Variants in CDHR3 observed in about 807,000 individuals in gnomAD.
CDHR3 encodes cadherin related family member 3.
CDHR3 carries 79 observed loss-of-function variants against 86.6 expected under a neutral mutation model. The ratio of observed to expected loss-of-function variants is 0.91; its 90% confidence interval spans 0.76 to 1.10. The LOEUF (loss-of-function observed/expected upper bound fraction) is 1.10, where lower values mean the gene tolerates loss of function less well. Ranked by LOEUF, CDHR3 falls within the 50% of genes least tolerant of loss-of-function variation. The pLI, the probability that CDHR3 is intolerant of heterozygous loss-of-function variation, is 0.00. For missense variants in CDHR3, 1,081 were observed against 1,077.6 expected, an observed-to-expected ratio of 1.00 and a Z score of -0.04; for synonymous variants, 421 against 402.4, an observed-to-expected ratio of 1.05 and a Z score of -0.55.
At chr7:106,025,011 G>A (rs897802305) in intron 15 of CDHR3, among the ~76,000 whole-genome samples, 2 of 152,212 alleles carry the variant, frequency 1.3e-5, no homozygotes, top group Non-Finnish European at 2.9e-5. Flanking sequence ...CCGGGTTTTT[G>A]TGTGACCAAA....
At chr7:105,975,219 G>T (rs764234389) in intron 2 of CDHR3, among the ~76,000 whole-genome samples, 173 bp downstream of exon 2, 1 of 152,158 alleles carries the variant, frequency 6.6e-6, no homozygotes, top group South Asian at 2.1e-4. Flanking sequence ...TAAGATGCTC[G>T]TGTAGCCTTT....
At chr7:106,026,358 G>A (rs150027111) in intron 15 of CDHR3, among the ~76,000 whole-genome samples, 7 of 152,248 alleles carry the variant, frequency 4.6e-5, no homozygotes, top group South Asian at 2.1e-4. Flanking sequence ...AAGAAGACTC[G>A]CTGGACAGTC....
chr7:105,981,064 C>T lies in CDHR3; in HGVS notation c.346C>T (p.Leu116=). ...YVKDEVGVTD[L]QVLTVQVTDV... Reference sequence around the variant, plus strand: ...GAAGGATGAGGTTGGTGTCACAGACCTGCAAGTCCTGACTGTCCAGGTAAC... The same window carrying T: ...GAAGGATGAGGTTGGTGTCACAGACTTGCAAGTCCTGACTGTCCAGGTAAC... Residue 116 remains leucine, a synonymous_variant, in exon 3 of 19, where the codon CTG becomes TTG. Coordinates refer to ENST00000317716, the MANE Select transcript of CDHR3 (RefSeq NM_152750.5). 2 of 1,613,520 alleles carry T rather than the reference C, an allele frequency of 1.2e-6. No homozygotes were observed. The highest frequency in any genetic ancestry group is 1.3e-5 in the African/African-American group (1 of 75,046).
chr7:106,009,461 C>G (rs556005889), intron 8 of CDHR3, among the ~76,000 whole-genome samples: 4 of 152,372 alleles, frequency 2.6e-5, no homozygotes. Flanking sequence ...CAAAACAGAA[C>G]AAAGTGACAA....
At chr7:105,995,496 G>A (rs1360433401) in intron 5 of CDHR3, among the ~76,000 whole-genome samples, 1 of 152,194 alleles carries the variant, frequency 6.6e-6, no homozygotes, top group Admixed American at 6.5e-5. Flanking sequence ...GATTTGGGCA[G>A]ATGCTGGGTG....
chr7:105,981,550 C>A (rs1301078991), intron 3 of CDHR3, among the ~76,000 whole-genome samples: 4 of 152,168 alleles, frequency 2.6e-5, no homozygotes, highest in Non-Finnish European at 5.9e-5. Context: ...TGTAAGGGAC[C>A]AGAGCACACA....
At chr7:106,032,324 A>G (rs184767442) in intron 18 of CDHR3, 69 bp from the exon 19 acceptor site, 1 of 1,422,346 alleles carries the variant, frequency 7.0e-7, no homozygotes, top group East Asian at 2.4e-5. Context: ...AGAGCAGGGT[A>G]GAAGTGGGGG....
rs1174554966 is a variant in CDHR3, at chr7:106,033,852, AG to A, written c.*1156del. The A allele has an allele frequency of 6.6e-6, 1 of 152,224 alleles. No individual in the cohort carries two copies. Among genetic ancestry groups the A allele is most frequent in the African/African-American group, 2.4e-5 (1 of 41,454 alleles). The allele number at this position is 152,224 out of a possible 1,614,324, so 9.4% of individuals were successfully genotyped here. Reference sequence around the variant, plus strand: ...ATATATCTAAGAGTGGGATTGCTGGAGCAATTGCTGGATCTGCCAAAGAGTT... The same window carrying A: ...ATATATCTAAGAGTGGGATTGCTGGACAATTGCTGGATCTGCCAAAGAGTT... On this transcript the variant is annotated 3_prime_UTR_variant, in exon 19 of 19. Transcript: ENST00000317716.
rs1223275772 is a variant in CDHR3, at chr7:106,001,542, A to G, written c.794A>G (p.Asp265Gly). 1 of 1,613,988 alleles carries G rather than the reference A, an allele frequency of 6.2e-7. No individual in the cohort carries two copies. Among genetic ancestry groups the G allele is most frequent in the Non-Finnish European group, 8.5e-7 (1 of 1,179,890 alleles). The change falls in exon 7 of 19, where the codon GAT becomes GGT. Residue 265 changes from aspartate to glycine, a missense_variant. Physicochemically the swap from Asp to Gly is moderately conservative, Grantham distance 94. Transcript: ENST00000317716. ...VANITAEDPD[D>G]EGFPSHLLYS... ...AATATCACAGCGGAGGATCCTGATGATGAAGGTTTTCCCAGCCACCTCCTC... is the reference window on the plus strand; with the variant it reads ...AATATCACAGCGGAGGATCCTGATGGTGAAGGTTTTCCCAGCCACCTCCTC...
intron 1 of CDHR3, among the ~76,000 whole-genome samples, chr7:105,965,641 T>C (rs1786798032): frequency 7.3e-6 from 1 of 137,476 alleles, no homozygotes; most frequent in South Asian, 2.5e-4. Flanking sequence ...CTGGAGCTCC[T>C]CTTGCCTGCA....
intron 13 of CDHR3, 44 bp from the exon 14 acceptor site, chr7:106,022,154 C>T (rs770123046): frequency 1.1e-5 from 17 of 1,606,818 alleles, no homozygotes; most frequent in Non-Finnish European, 1.4e-5. Context: ...TTCTTACTCT[C>T]TTTTCTTCCT....
chr7:106,017,809 A>T lies in CDHR3; in HGVS notation c.1427-37A>T, dbSNP rs529664522. On this transcript the variant is annotated intron_variant, in intron 11 of 18. Coordinates refer to ENST00000317716, the MANE Select transcript of CDHR3 (RefSeq NM_152750.5). ...CCTGAATCATCCTTCTCTACCCCTT[A>T]AAAGCAGGACTTATTGCAGGTACTT... 14 of 1,507,068 alleles carry T rather than the reference A, an allele frequency of 9.3e-6. No homozygotes were observed. In the South Asian group the frequency reaches 1.6e-4, roughly 17 times the overall value. The allele number at this position is 1,507,068 out of a possible 1,614,324, so 93.4% of individuals were successfully genotyped here.
chr7:106,011,449 A>G (rs1834792228), intron 8 of CDHR3, among the ~76,000 whole-genome samples: 1 of 152,136 alleles, frequency 6.6e-6, no homozygotes, highest in South Asian at 2.1e-4. Flanking sequence ...GACAAGAAGA[A>G]GCAGAAATCA....
In CDHR3 at chr7:106,022,237, G is replaced by T. The variant is rs772129631; in HGVS notation, c.1865G>T (p.Gly622Val). 2 of 1,613,968 alleles carry T rather than the reference G, an allele frequency of 1.2e-6. No individual in the cohort carries two copies. Among genetic ancestry groups the T allele is most frequent in the East Asian group, 4.5e-5 (2 of 44,886 alleles). Residue 622 changes from glycine (G) to valine (V), a missense_variant, in exon 14 of 19, where the codon GGT (glycine) becomes GTT (valine). Physicochemically the swap from Gly to Val is moderately radical, Grantham distance 109. Transcript: ENST00000317716. Reference sequence around the variant, plus strand: ...CATTTCACCTTCTCTCCCAATGCTGGTTCCAATGTCACACGCCTGCTGCTT... The same window carrying T: ...CATTTCACCTTCTCTCCCAATGCTGTTTCCAATGTCACACGCCTGCTGCTT... ...NNHFTFSPNA[G>V]SNVTRLLLTS...
intron 8 of CDHR3, among the ~76,000 whole-genome samples, chr7:106,012,487 G>A (rs1438666488): frequency 6.6e-6 from 1 of 152,142 alleles, no homozygotes; most frequent in Non-Finnish European, 1.5e-5. Flanking sequence ...AGGCCAGAGT[G>A]GCAGGAGGAG....
intron 7 of CDHR3, among the ~76,000 whole-genome samples, chr7:106,003,105 G>A (rs947254232): frequency 9.8e-5 from 14 of 143,348 alleles, no homozygotes; most frequent in African/African-American, 3.7e-4. Flanking sequence ...CTCTACTCCA[G>A]CCTGGGTGAC....
intron 7 of CDHR3, among the ~76,000 whole-genome samples, chr7:106,002,135 C>T (rs1185846567): frequency 6.6e-6 from 1 of 152,008 alleles, no homozygotes; most frequent in Non-Finnish European, 1.5e-5. Context: ...ACAGCTATGT[C>T]ACCCTTCACC....
At chr7:105,986,491 A>T (rs1397462762) in intron 4 of CDHR3, among the ~76,000 whole-genome samples, 1 of 152,234 alleles carries the variant, frequency 6.6e-6, no homozygotes, top group African/African-American at 2.4e-5. Flanking sequence ...CACTCCTATA[A>T]CAAAGAAGAG....
At position 106,026,712 on chromosome 7, in the gene CDHR3, T is replaced by C; in HGVS notation, c.2272+17T>C. 1 of 1,613,502 alleles carries C rather than the reference T, an allele frequency of 6.2e-7. No homozygotes were observed. The highest frequency in any genetic ancestry group is 8.5e-7 in the Non-Finnish European group (1 of 1,179,404). ...AGAAAGGAGGTATGTACAGTACCTG[T>C]TTCCCTTGTCTGTTGTTTTTTGCTT... On this transcript the variant is annotated intron_variant, in intron 16 of 18. Coordinates refer to ENST00000317716, the MANE Select transcript of CDHR3 (RefSeq NM_152750.5).
Sources: allele counts gnomAD v4.1 joint callset (sites outside exome capture counted in the v4.1 genomes callset), GRCh38; gene constraint gnomAD v4.1.1; transcripts MANE v1.5; gene names NCBI Gene and HGNC (gene_info 2026-07-23, HGNC 2026-07-21).